The following CDC5L variants were observed in gnomAD, a reference collection of about 807,000 sequenced individuals.
The protein encoded by CDC5L is cell division cycle 5-like protein.
Under a neutral mutation model 104.1 loss-of-function variants are expected in CDC5L, and 18 were observed. The ratio of observed to expected loss-of-function variants is 0.17; its 90% CI spans 0.12 to 0.26. The LOEUF (loss-of-function observed/expected upper bound fraction) is 0.26. CDC5L is among the 10% of genes least tolerant of loss of function. CDC5L has a pLI of 1.00. For missense variants in CDC5L, 673 were observed against 956.9 expected (o/e 0.70, Z 3.91); for synonymous variants, 331 against 322.7 (o/e 1.03, Z -0.28).
chr6:44,429,986 A>C (rs1792602756), intron 14 of CDC5L, 76 bp downstream of exon 14: 4 of 1,181,776 alleles, frequency 3.4e-6, no homozygotes, highest in Non-Finnish European at 4.8e-6. Context: ...CACTGGAGAC[A>C]ATGTCAGAAA....
At position 44,446,649 on chromosome 6, in the gene CDC5L, G is replaced by A; in HGVS notation, c.2347G>A (p.Glu783Lys). Residue 783 changes from glutamate to lysine, a missense_variant, in exon 16 of 16, where the codon GAA becomes AAA. By Grantham distance (56) the Glu-to-Lys change is moderately conservative. This residue lies in a region of CDC5L where 578 missense variants were observed against 737.0 expected (regional missense o/e 0.78). Transcript: ENST00000371477. ...DVQRQQEREK[E>K]LQHRYADLLL... The stretch of plus-strand genomic sequence containing the variant: ...TCAGCGACAACAAGAAAGAGAAAAG[G>A]AACTTCAACATAGATATGCTGATTT... 1 of 1,593,836 alleles carries A rather than the reference G, an allele frequency of 6.3e-7. No individual in the cohort carries two copies. Among genetic ancestry groups the A allele is most frequent in the South Asian group, 1.2e-5 (1 of 86,922 alleles).
intron 9 of CDC5L, among the ~76,000 whole-genome samples, chr6:44,420,220 T>C (rs1792101131): frequency 6.6e-6 from 1 of 152,302 alleles, no homozygotes; most frequent in East Asian, 1.9e-4. Flanking sequence ...CGTATGCCTA[T>C]GACAGAAATT....
At chr6:44,428,034 A>G (rs1792504722) in intron 13 of CDC5L, among the ~76,000 whole-genome samples, 1 of 152,012 alleles carries the variant, frequency 6.6e-6, no homozygotes, top group Admixed American at 6.6e-5. Flanking sequence ...TCTTTGTTCC[A>G]AAAAGAATTT....
chr6:44,426,233 G>T, intron 12 of CDC5L, 50 bp downstream of exon 12: 1 of 1,305,998 alleles, frequency 7.7e-7, no homozygotes, highest in African/African-American at 1.5e-5. Context: ...CTTTTTATAT[G>T]ATTGCTGCGT....
intron 14 of CDC5L, among the ~76,000 whole-genome samples, chr6:44,440,817 C>T (rs938651358): frequency 1.3e-5 from 2 of 150,728 alleles, no homozygotes; most frequent in Non-Finnish European, 2.9e-5. Flanking sequence ...AAGCGATTCT[C>T]CCACCTCAGC....
chr6:44,391,403 C>T (rs1332629407), intron 2 of CDC5L, among the ~76,000 whole-genome samples: 1 of 152,002 alleles, frequency 6.6e-6, no homozygotes, highest in Admixed American at 6.6e-5. Context: ...CTCCTGCCAC[C>T]ATTCCCGGCT....
intron 8 of CDC5L, among the ~76,000 whole-genome samples, chr6:44,413,583 A>C (rs1791759307): frequency 6.6e-6 from 1 of 151,998 alleles, no homozygotes; most frequent in South Asian, 2.1e-4. Context: ...TCGCTGCACC[A>C]TTTTATTTGT....
intron 11 of CDC5L, 103 bp from the exon 12 acceptor site, chr6:44,426,000 C>T: frequency 1.5e-6 from 1 of 652,200 alleles, no homozygotes; most frequent in Non-Finnish European, 2.6e-6. Context: ...TAAACTTTAG[C>T]TATTGAACAC....
At chr6:44,428,948 C>T (rs1458709496) in intron 13 of CDC5L, among the ~76,000 whole-genome samples, 1 of 151,796 alleles carries the variant, frequency 6.6e-6, no homozygotes, top group Middle Eastern at 3.2e-3. Context: ...TGTATTCTGC[C>T]TCATCTGCCT....
In CDC5L at chr6:44,396,337, G is replaced by C. The variant is rs765650414; in HGVS notation, c.440-4G>C. On this transcript the variant is annotated splice_region_variant and splice_polypyrimidine_tract_variant and intron_variant, in intron 4 of 15. Coordinates refer to ENST00000371477, the MANE Select transcript of CDC5L (RefSeq NM_001253.4). ...CTTAGTTTTTCTTCTTTTAATTTTT[G>C]CAGATGAACTTGAGATGCTTTCTGA... 15 of 1,594,220 alleles carry C rather than the reference G, an allele frequency of 9.4e-6. No individual in the cohort carries two copies. The highest frequency in any genetic ancestry group is 1.4e-5 in the African/African-American group (1 of 73,638).
At chr6:44,416,308 A>G (rs1246056330) in intron 8 of CDC5L, among the ~76,000 whole-genome samples, 1 of 152,160 alleles carries the variant, frequency 6.6e-6, no homozygotes, top group Admixed American at 6.5e-5. Flanking sequence ...TTACAGGGAA[A>G]TCTGGAGGCC....
intron 8 of CDC5L, among the ~76,000 whole-genome samples, chr6:44,414,423 TGTGTGTG>T (rs869233492): frequency 1.0e-4 from 15 of 149,700 alleles, no homozygotes; most frequent in African/African-American, 3.5e-4. Flanking sequence ...TGTGTGTGTG[TGTGTGTG>T]TATTTTTTTT....
intron 5 of CDC5L, among the ~76,000 whole-genome samples, chr6:44,397,132 G>A (rs1790907089): frequency 1.3e-5 from 2 of 152,214 alleles, no homozygotes; most frequent in South Asian, 4.1e-4. Flanking sequence ...GGTTGTGGCT[G>A]AAAGTCCCAA....
intron 5 of CDC5L, among the ~76,000 whole-genome samples, chr6:44,397,689 G>A (rs975063943): frequency 6.6e-6 from 1 of 152,212 alleles, no homozygotes; most frequent in Non-Finnish European, 1.5e-5. Context: ...TATTGGGAAG[G>A]CACTGGCTGT....
chr6:44,414,664 G>A (rs183377171), intron 8 of CDC5L, among the ~76,000 whole-genome samples: 7 of 151,938 alleles, frequency 4.6e-5, no homozygotes. Flanking sequence ...AGAGTTCTTT[G>A]TATATTCTGG....
intron 8 of CDC5L, among the ~76,000 whole-genome samples, chr6:44,414,422 G>A (rs1421400879): frequency 2.7e-4 from 36 of 133,920 alleles, no homozygotes; most frequent in Admixed American, 1.1e-3. Flanking sequence ...GTGTGTGTGT[G>A]TGTGTGTGTA....
chr6:44,420,427 C>T (rs1208901174), intron 9 of CDC5L, among the ~76,000 whole-genome samples: 2 of 151,232 alleles, frequency 1.3e-5, no homozygotes, highest in Non-Finnish European at 2.9e-5. Context: ...GGCGCGAACT[C>T]GGCTCATCAC....
At chr6:44,432,417 GCTGC>G (rs2153382687) in intron 14 of CDC5L, among the ~76,000 whole-genome samples, 1 of 151,984 alleles carries the variant, frequency 6.6e-6, no homozygotes, top group South Asian at 2.1e-4. Flanking sequence ...TTTGATTTTT[GCTGC>G]CATGAACTTT....
At chr6:44,418,908 A>G (rs376116039) in intron 8 of CDC5L, among the ~76,000 whole-genome samples, 16 of 148,898 alleles carry the variant, frequency 1.1e-4, no homozygotes, top group Admixed American at 1.3e-4. Flanking sequence ...GCTCTTTGTC[A>G]GATGAGTAGG....
Sources: gnomAD v4.1 joint callset for allele counts (sites outside exome capture counted in the v4.1 genomes callset) on GRCh38, gnomAD v4.1.1 for gene constraint, gnomAD v4.1.1 regional missense constraint, MANE v1.5 for transcripts, NCBI Gene and HGNC (gene_info 2026-07-23, HGNC 2026-07-21) for gene names.